The following GINS2 variants were observed in gnomAD, a reference collection of about 807,000 sequenced individuals.
The protein encoded by GINS2 is GINS complex subunit 2, also known as DNA replication complex GINS protein PSF2.
A neutral mutation model predicts 21.2 loss-of-function variants in GINS2; 23 were observed. The observed-to-expected ratio is 1.08, with a 90% CI of 0.78 to 1.53. The LOEUF (loss-of-function observed/expected upper bound fraction) is 1.53, where lower values mean the gene tolerates loss of function less well. Ranked by LOEUF, GINS2 falls within the 40% of genes most tolerant of loss-of-function variation. GINS2 has a pLI of 0.00. For synonymous variants in GINS2, 118 were observed against 85.6 expected, an observed-to-expected ratio of 1.38 and a Z score of -2.09; for missense variants, 323 against 233.9, an observed-to-expected ratio of 1.38 and a Z score of -2.49.
chr16:85,682,656 A>G (rs2053744116), intron 2 of GINS2, among the ~76,000 whole-genome samples: 1 of 152,102 alleles, frequency 6.6e-6, no homozygotes, highest in Non-Finnish European at 1.5e-5. Flanking sequence ...ATGACATCCT[A>G]GAGGGGTGAA....
chr16:85,679,601 C>G (rs1436619336), intron 3 of GINS2, among the ~76,000 whole-genome samples: 1 of 152,214 alleles, frequency 6.6e-6, no homozygotes, highest in Non-Finnish European at 1.5e-5. Flanking sequence ...ACCCCAACTC[C>G]TCGTCAGCTG....
rs759265489 is a variant in GINS2, at chr16:85,678,196, T to G, written c.*16A>C. ...CGCTCACATCCCCCAGCAAGCCGCC[T>G]GCACCAGGCCTTTCTCTAGAAGTCC... On this transcript the variant is annotated 3_prime_UTR_variant, in exon 5 of 5. Coordinates refer to ENST00000253462, the MANE Select transcript of GINS2 (RefSeq NM_016095.3). The G allele has an allele frequency of 1.2e-6, 2 of 1,611,564 alleles. No homozygotes were observed. The highest frequency in any genetic ancestry group is 2.2e-5 in the South Asian group (2 of 90,680).
intron 2 of GINS2, 116 bp from the exon 3 acceptor site, chr16:85,681,797 C>A (rs1297841897): frequency 8.0e-6 from 5 of 626,914 alleles, no homozygotes; most frequent in South Asian, 4.1e-5. Flanking sequence ...CTAGCAAATA[C>A]ATGAAAAAAC....
At position 85,678,204 on chromosome 16, in the gene GINS2, G is replaced by T. The variant is rs1302518985; in HGVS notation, c.*8C>A. ...TCCCCCAGCAAGCCGCCTGCACCAG[G>T]CCTTTCTCTAGAAGTCCTGAGACTG... On this transcript the variant is annotated 3_prime_UTR_variant, in exon 5 of 5. Coordinates refer to ENST00000253462, the MANE Select transcript of GINS2 (RefSeq NM_016095.3). 1.2e-6 allele frequency: 2 copies of T among 1,612,474 alleles called. No individual in the cohort carries two copies. The highest frequency in any genetic ancestry group is 4.5e-5 in the East Asian group (2 of 44,862).
intron 3 of GINS2, among the ~76,000 whole-genome samples, chr16:85,679,179 C>G (rs1302980538): frequency 1.3e-5 from 2 of 152,174 alleles, no homozygotes; most frequent in African/African-American, 4.8e-5. Flanking sequence ...TCTATCCTCA[C>G]AAAAGCCCTG....
In GINS2 at chr16:85,681,628, T is replaced by C. The variant is rs755268160; in HGVS notation, c.259A>G (p.Met87Val). The C allele has an allele frequency of 8.1e-6, 13 of 1,613,112 alleles. No homozygotes were observed. The highest frequency in any genetic ancestry group is 8.0e-5 in the African/African-American group (6 of 74,890). ...HERKEETFTP[M>V]PSPYYMELTK... ...AGTTCCATGTAGTAAGGGCTGGGCA[T>C]TGGGGTAAAAGTTTCTTCCTTTCGT... The change falls in exon 3 of 5, where the codon ATG becomes GTG. Residue 87 changes from methionine (M) to valine (V), a missense_variant. Met to Val is a conservative substitution (Grantham distance 21). Coordinates refer to ENST00000253462, the MANE Select transcript of GINS2 (RefSeq NM_016095.3).
At chr16:85,688,705 A>G (rs2053801458) in intron 1 of GINS2, 104 bp downstream of exon 1, 2 of 522,112 alleles carry the variant, frequency 3.8e-6, no homozygotes, top group Middle Eastern at 4.9e-4. Flanking sequence ...GCCTCCGCAG[A>G]TGCGGGAGCA....
chr16:85,685,690 A>AAAAC (rs2053770807), intron 2 of GINS2, among the ~76,000 whole-genome samples: 1 of 149,432 alleles, frequency 6.7e-6, no homozygotes, highest in African/African-American at 2.5e-5. Flanking sequence ...AAAAAAAAAA[A>AAAAC]ACCGTCTCAA....
intron 2 of GINS2, 144 bp from the exon 3 acceptor site, chr16:85,681,825 G>A (rs912889358): frequency 1.7e-6 from 1 of 601,824 alleles, no homozygotes; most frequent in African/African-American, 1.9e-5. Context: ...GATGACATTT[G>A]TATCATTATC....
At chr16:85,686,417 CAAA>C (rs35890264) in intron 2 of GINS2, among the ~76,000 whole-genome samples, 2 of 110,844 alleles carry the variant, frequency 1.8e-5, no homozygotes. Flanking sequence ...GACTCTGTCT[CAAA>C]AAAAAAAAAA....
rs534723847 is a variant in GINS2, at chr16:85,677,975, T to G, written c.*237A>C. 51 of 451,210 alleles carry G rather than the reference T, an allele frequency of 1.1e-4. No homozygotes were observed. The highest frequency in any genetic ancestry group is 2.3e-4 in the Admixed American group (6 of 25,768). The allele number at this position is 451,210 out of a possible 1,614,324, so 28.0% of individuals were successfully genotyped here. A position where few individuals can be genotyped will look rare whatever the true frequency, so the allele number is the denominator to read the frequency against. Reference sequence around the variant, plus strand: ...CTAAGGCTTTTTTATTTCTCAAAAGTGGGGGGAAAAAGGGCTGGTTTCTAG... The same window carrying G: ...CTAAGGCTTTTTTATTTCTCAAAAGGGGGGGGAAAAAGGGCTGGTTTCTAG... On this transcript the variant is annotated 3_prime_UTR_variant, in exon 5 of 5. Transcript: ENST00000253462.
chr16:85,679,729 C>G (rs2053716042), intron 3 of GINS2, among the ~76,000 whole-genome samples: 1 of 152,184 alleles, frequency 6.6e-6, no homozygotes, highest in South Asian at 2.1e-4. Context: ...GGATAGGCCC[C>G]CTCACCTAGC....
intron 2 of GINS2, 146 bp from the exon 3 acceptor site, chr16:85,681,827 A>G (rs2053735839): frequency 6.7e-6 from 4 of 600,702 alleles, no homozygotes; most frequent in South Asian, 6.4e-5. Flanking sequence ...TGACATTTGT[A>G]TCATTATCTA....
At chr16:85,683,185 C>A (rs1417497066) in intron 2 of GINS2, among the ~76,000 whole-genome samples, 1 of 152,012 alleles carries the variant, frequency 6.6e-6, no homozygotes, top group African/African-American at 2.4e-5. Context: ...AAAAAGAAGG[C>A]CCTCCGTGAA....
intron 1 of GINS2, among the ~76,000 whole-genome samples, chr16:85,688,323 G>A (rs919264477): frequency 6.6e-6 from 1 of 152,132 alleles, no homozygotes; most frequent in African/African-American, 2.4e-5. Flanking sequence ...CGAGGCGAGT[G>A]GCTCATGAGG....
At chr16:85,678,468 C>T in intron 4 of GINS2, 72 bp downstream of exon 4, 2 of 1,574,966 alleles carry the variant, frequency 1.3e-6, no homozygotes, top group Non-Finnish European at 1.7e-6. Flanking sequence ...CCTGTAATAG[C>T]CTCAGCAGAC....
chr16:85,680,190 C>T (rs754330812), intron 3 of GINS2, among the ~76,000 whole-genome samples: 6 of 152,188 alleles, frequency 3.9e-5, no homozygotes, highest in African/African-American at 1.2e-4. Context: ...ACGCCACTGC[C>T]GAGTGGAATG....
chr16:85,685,670 C>CAAAAAAAAA lies in GINS2; in HGVS notation c.205+1781_205+1789dup, dbSNP rs752631926. Among the ~76,000 whole-genome samples the CAAAAAAAAA allele has an allele frequency of 2.7e-3, 148 of 55,284 alleles. 8 individuals carry two copies. Among genetic ancestry groups the CAAAAAAAAA allele is most frequent in the African/African-American group, 7.7e-3 (127 of 16,420 alleles). The allele number at this position is 55,284 out of a possible 152,430, so 36.3% of individuals were successfully genotyped here. On this transcript the variant is annotated intron_variant, in intron 2 of 4. Transcript: ENST00000253462. ...TGGGTGACAGAGCAAGACCCTTTCTCAAAAAAAAAAAAAAAAAAAAACCGT... is the reference window on the plus strand; with the variant it reads ...TGGGTGACAGAGCAAGACCCTTTCTCAAAAAAAAAAAAAAAAAAAAAAAAAAAAAACCGT...
At position 85,677,780 on chromosome 16, in the gene GINS2, A is replaced by C. The variant is rs551416420; in HGVS notation, c.*432T>G. 103 of 162,582 alleles carry C rather than the reference A, an allele frequency of 6.3e-4. 2 individuals carry two copies. In the South Asian group the frequency reaches 0.016, roughly 26 times the overall value. The allele number at this position is 162,582 out of a possible 1,614,324, so 10.1% of individuals were successfully genotyped here. On this transcript the variant is annotated 3_prime_UTR_variant, in exon 5 of 5. Transcript: ENST00000253462. Reference sequence around the variant, plus strand: ...CTTCTCTGTGAGCCACCTCTGTGAGAGAGTCTAAATTCAGCCCAAGAAATC... The same window carrying C: ...CTTCTCTGTGAGCCACCTCTGTGAGCGAGTCTAAATTCAGCCCAAGAAATC...
Sources: gnomAD v4.1 joint callset for allele counts (sites outside exome capture counted in the v4.1 genomes callset) on GRCh38, gnomAD v4.1.1 for gene constraint, MANE v1.5 for transcripts, NCBI Gene and HGNC (gene_info 2026-07-23, HGNC 2026-07-21) for gene names.